The following KDM5C variants were observed in gnomAD, a reference collection of about 807,000 sequenced individuals.
KDM5C encodes the protein lysine-specific demethylase 5C.
In KDM5C, 16 loss-of-function variants were observed where a neutral mutation model predicts 110.6. That is an observed-to-expected ratio of 0.14 (90% CI 0.10 to 0.22). The LOEUF is 0.22. Ranked by LOEUF, KDM5C falls within the 10% of genes least tolerant of loss-of-function variation. The pLI is 1.00. For synonymous variants in KDM5C, 511 were observed against 520.4 expected (o/e 0.98, Z 0.24); for missense variants, 681 against 1,300.9 (o/e 0.52, Z 7.33).
At position 53,193,529 on chromosome X, in the gene KDM5C, G is replaced by A. The variant is rs1556832897; in HGVS notation, c.4225C>T (p.Leu1409Phe). Residue 1409 changes from leucine to phenylalanine, a missense_variant, in exon 25 of 26, where the codon CTC (leucine) becomes TTC (phenylalanine). Transcript: ENST00000375401. The stretch of plus-strand genomic sequence containing the variant: ...TGGTTCTCATCCAGGGTCACCTCGA[G>A]CAGGTCCCCCTCCATCATGAGCTCC... The part of the protein sequence containing the change: ...LEELMMEGDL[L>F]EVTLDENHSI... 1 of 1,211,965 alleles carries A rather than the reference G, an allele frequency of 8.3e-7. No homozygotes were observed.
Position 53,193,646 on chromosome X carries a change from T to C in KDM5C, c.4118-10A>G. 1.7e-6 allele frequency: 2 copies of C among 1,210,531 alleles called. No individual in the cohort carries two copies. The highest frequency in any genetic ancestry group is 2.2e-6 in the Non-Finnish European group (2 of 894,300). On this transcript the variant is annotated splice_polypyrimidine_tract_variant and intron_variant, in intron 24 of 25. Coordinates refer to ENST00000375401, the MANE Select transcript of KDM5C (RefSeq NM_004187.5). ...GACAGCAGCTCCAGATCTAGGAGGT[T>C]GCAGGAACAAGCGGCATTAGAGGCT...
intron 1 of KDM5C, 77 bp from the exon 2 acceptor site, chrX:53,220,993 G>A (rs944956955): frequency 3.6e-5 from 32 of 881,787 alleles, no homozygotes; most frequent in East Asian, 6.2e-5. Flanking sequence ...AAAGCAGCTC[G>A]GAATCCCACT....
At chrX:53,218,948 A>G (rs1267909448) in intron 2 of KDM5C, among the ~76,000 whole-genome samples, 2 of 112,108 alleles carry the variant, frequency 1.8e-5, no homozygotes, top group Non-Finnish European at 3.8e-5. Context: ...AGAGGGTCAC[A>G]ACTGCCAAAA....
chrX:53,194,009 G>A, intron 23 of KDM5C, 130 bp downstream of exon 23: 1 of 982,419 alleles, frequency 1.0e-6, no homozygotes, highest in Non-Finnish European at 1.4e-6. Flanking sequence ...CTGGACAGAT[G>A]CAGAATGGAG....
At chrX:53,200,530 C>G (rs2073108188) in intron 14 of KDM5C, among the ~76,000 whole-genome samples, 1 of 111,331 alleles carries the variant, frequency 9.0e-6, no homozygotes, top group Admixed American at 9.6e-5. Context: ...CAGTACTGAA[C>G]AGAGTGAGAA....
At chrX:53,181,852 G>C (rs1411140825) in intron 25 of KDM5C, among the ~76,000 whole-genome samples, 5 of 108,668 alleles carry the variant, frequency 4.6e-5, no homozygotes, top group Non-Finnish European at 3.8e-5. Flanking sequence ...GCAGTGGAGC[G>C]ATCTCAGCTC....
chrX:53,215,611 AC>A (rs1247938146), intron 7 of KDM5C, 183 bp downstream of exon 7: 3 of 478,933 alleles, frequency 6.3e-6, no homozygotes, highest in Non-Finnish European at 1.1e-5. Flanking sequence ...GCACTTGATC[AC>A]CCTTTCTTGC....
At chrX:53,220,461 G>C (rs2073865892) in intron 2 of KDM5C, among the ~76,000 whole-genome samples, 1 of 112,187 alleles carries the variant, frequency 8.9e-6, no homozygotes, top group Non-Finnish European at 1.9e-5. Context: ...GGATGAATTG[G>C]ATATATGAAG....
At chrX:53,201,504 G>A (rs1300623675) in intron 14 of KDM5C, 46 bp downstream of exon 14, 9 of 1,171,387 alleles carry the variant, frequency 7.7e-6, no homozygotes, top group Non-Finnish European at 1.0e-5. Flanking sequence ...CTGCCTCCCC[G>A]AACTTCCACC....
At chrX:53,208,863 T>C (rs1399874797) in intron 12 of KDM5C, among the ~76,000 whole-genome samples, 8 of 82,017 alleles carry the variant, frequency 9.8e-5, no homozygotes, top group Non-Finnish European at 1.6e-4. Context: ...TTGCCCAGGC[T>C]GGAGTGCAGT....
At chrX:53,211,078 T>G (rs1280167881) in intron 10 of KDM5C, among the ~76,000 whole-genome samples, 1 of 111,578 alleles carries the variant, frequency 9.0e-6, no homozygotes, top group Non-Finnish European at 1.9e-5. Flanking sequence ...TACCGATATA[T>G]CCACCTACCA....
intron 12 of KDM5C, chrX:53,202,659 C>T (rs2073179749): frequency 8.9e-6 from 1 of 112,119 alleles, no homozygotes; most frequent in East Asian, 2.8e-4. Flanking sequence ...TTCCTAGATC[C>T]CACGTCTTCC....
intron 16 of KDM5C, 33 bp downstream of exon 16, chrX:53,198,731 C>T: frequency 8.3e-7 from 1 of 1,211,882 alleles, no homozygotes. Context: ...TAGAACTTGC[C>T]TGTGGAGTCC....
intron 17 of KDM5C, 96 bp downstream of exon 17, chrX:53,198,394 G>A: frequency 1.9e-6 from 2 of 1,047,692 alleles, no homozygotes; most frequent in Non-Finnish European, 2.6e-6. Context: ...TGTCCATTCT[G>A]CCAAATGGTA....
At chrX:53,189,187 G>T (rs1376032135), downstream of KDM5C, among the ~76,000 whole-genome samples, 1 of 112,314 alleles carries the variant, frequency 8.9e-6, no homozygotes, top group Non-Finnish European at 1.9e-5. Context: ...AACCTACCAA[G>T]GCCACTGTGG....
At chrX:53,201,436 C>T in intron 14 of KDM5C, 114 bp downstream of exon 14, 1 of 693,073 alleles carries the variant, frequency 1.4e-6, no homozygotes. Flanking sequence ...AATCGAGATG[C>T]ATCTAGTTCT....
Position 53,192,880 on chromosome X carries a change from C to CCCCCCCCCCCCAACA in KDM5C, c.*86_*87insTGTTGGGGGGGGGGG. The CCCCCCCCCCCCAACA allele has an allele frequency of 9.6e-7, 1 of 1,041,146 alleles. No homozygotes were observed. The highest frequency in any genetic ancestry group is 1.3e-6 in the Non-Finnish European group (1 of 792,329). The allele number at this position is 1,041,146 out of a possible 1,213,427, so 85.8% of individuals were successfully genotyped here. A position where few individuals can be genotyped will look rare whatever the true frequency, so the allele number is the denominator to read the frequency against. The stretch of plus-strand genomic sequence containing the variant: ...ATGGCCACCCCCCTACCCGCCCACC[C>CCCCCCCCCCCCAACA]CCCAAGAAGCAGGCTTGATGGTCAG... On this transcript the variant is annotated 3_prime_UTR_variant, in exon 26 of 26. Transcript: ENST00000375401.
Position 53,201,929 on chromosome X carries a change from G to A in KDM5C, c.1791C>T (p.Phe597=), listed in dbSNP as rs782398439. Reference sequence around the variant, plus strand: ...TGAAGCCGCTGTGGTAAGCACGGGGGAAGGTGATGACAAACTCTCCTGCAC... The same window carrying A: ...TGAAGCCGCTGTGGTAAGCACGGGGAAAGGTGATGACAAACTCTCCTGCAC... ...NQCAGEFVIT[F]PRAYHSGFNQ... Residue 597 remains phenylalanine (F), a synonymous_variant, in exon 13 of 26, where the codon TTC becomes TTT. Transcript: ENST00000375401. 8.3e-7 allele frequency: 1 copy of A among 1,211,983 alleles called. No homozygotes were observed.
At chrX:53,189,410 T>C (rs782207174), downstream of KDM5C, among the ~76,000 whole-genome samples, 11 of 112,776 alleles carry the variant, frequency 9.8e-5, no homozygotes, top group South Asian at 4.0e-3. Flanking sequence ...CCTGTGTCTG[T>C]TGGGGACTTT....
Sources: gnomAD v4.1 joint callset for allele counts (sites outside exome capture counted in the v4.1 genomes callset) on GRCh38, gnomAD v4.1.1 for gene constraint, MANE v1.5 for transcripts, NCBI Gene and HGNC (gene_info 2026-07-23, HGNC 2026-07-21) for gene names.